KALRN: variants seen among roughly 807,000 people sequenced by gnomAD.
KALRN encodes kalirin.
KALRN carries 70 observed loss-of-function variants against 353.7 expected under a neutral mutation model. That is an observed-to-expected ratio of 0.20 (90% CI 0.16 to 0.24). The LOEUF is 0.24. KALRN is among the 10% of genes least tolerant of loss of function. The pLI, the probability that KALRN is intolerant of heterozygous loss-of-function variation, is 1.00. For synonymous variants in KALRN, 1,391 were observed against 1,434.8 expected (o/e 0.97, Z 0.69); for missense variants, 2,791 against 3,756.7 (o/e 0.74, Z 6.72).
Position 124,667,033 on chromosome 3 carries a change from G to A in KALRN, c.6553G>A (p.Glu2185Lys). 4 of 1,610,806 alleles carry A rather than the reference G, an allele frequency of 2.5e-6. No individual in the cohort carries two copies. The highest frequency in any genetic ancestry group is 3.4e-6 in the Non-Finnish European group (4 of 1,177,546). ...CCAGATGAATTACTTGGTCCTGGAG[G>A]AGAATGTGGACAATGATCCCTGCAA... ...SIKMNYLVLE[E>K]NVDNDPCKFA... Residue 2185 changes from glutamate to lysine, a missense_variant, in exon 47 of 60, where the codon GAG becomes AAG. Physicochemically the swap from Glu to Lys is moderately conservative, Grantham distance 56. Transcript: ENST00000682506.
chr3:124,460,280 G>A (rs2059717843), intron 23 of KALRN, among the ~76,000 whole-genome samples: 1 of 152,152 alleles, frequency 6.6e-6, no homozygotes, highest in South Asian at 2.1e-4. Flanking sequence ...ATCTGGGAGG[G>A]GGATGAGGGG....
In KALRN at chr3:124,722,925, C is replaced by G. The variant is rs1208920877; in HGVS notation, c.*3455C>G. On this transcript the variant is annotated 3_prime_UTR_variant, in exon 60 of 60. Coordinates refer to ENST00000682506, the MANE Select transcript of KALRN (RefSeq NM_001388419.1). ...TGGGATACAGAAAGAATGAAAAGAT[C>G]AGGGACAACCCATAATAACTTTTAA... 1 of 152,136 alleles carries G rather than the reference C, an allele frequency of 6.6e-6. No homozygotes were observed. The highest frequency in any genetic ancestry group is 2.4e-5 in the African/African-American group (1 of 41,428). 9.4% of individuals were successfully genotyped at this position (152,136 alleles called of 1,614,324 possible).
intron 37 of KALRN, among the ~76,000 whole-genome samples, chr3:124,642,806 G>GTTTTTTTGTTGTTGTTGTTTGTTT (rs1553707032): frequency 1.0e-5 from 1 of 96,840 alleles, no homozygotes; most frequent in Non-Finnish European, 1.9e-5. Flanking sequence ...CCCAAGCCTC[G>GTTTTTTTGTTGTTGTTGTTTGTTT]TTTTTTTTTT....
At chr3:124,532,182 G>A (rs2068098458) in intron 33 of KALRN, among the ~76,000 whole-genome samples, 1 of 152,208 alleles carries the variant, frequency 6.6e-6, no homozygotes, top group African/African-American at 2.4e-5. Context: ...CAGAGTCACT[G>A]ACCAATGTTG....
intron 36 of KALRN, among the ~76,000 whole-genome samples, chr3:124,635,192 G>A (rs2081225267): frequency 1.3e-5 from 2 of 152,152 alleles, no homozygotes; most frequent in Non-Finnish European, 2.9e-5. Flanking sequence ...ACCATCCTGG[G>A]TTCCTGAGAC....
At chr3:124,407,510 T>C (rs1469792114) in intron 13 of KALRN, among the ~76,000 whole-genome samples, 2 of 152,164 alleles carry the variant, frequency 1.3e-5, no homozygotes, top group African/African-American at 2.4e-5. Context: ...TGGGAACAGA[T>C]CATATTTCTA....
intron 33 of KALRN, among the ~76,000 whole-genome samples, chr3:124,528,431 T>A (rs2067770703): frequency 6.6e-6 from 1 of 152,114 alleles, no homozygotes; most frequent in African/African-American, 2.4e-5. Flanking sequence ...TGTGGGTAAA[T>A]GTAGCTTCCC....
intron 10 of KALRN, among the ~76,000 whole-genome samples, chr3:124,381,899 T>C (rs556022605): frequency 1.3e-5 from 2 of 152,228 alleles, no homozygotes; most frequent in South Asian, 4.1e-4. Context: ...GTGGGCTAAA[T>C]ATAGAGTACC....
At chr3:124,636,954 T>C in intron 36 of KALRN, 1 of 446,058 alleles carries the variant, frequency 2.2e-6, no homozygotes, top group Non-Finnish European at 4.1e-6. Context: ...ATTTCTCCTC[T>C]CCCCTCCTTC....
chr3:124,350,992 TTG>T (rs1029926999), intron 10 of KALRN, among the ~76,000 whole-genome samples: 44 of 152,290 alleles, frequency 2.9e-4, no homozygotes, highest in African/African-American at 1.0e-3. Flanking sequence ...CATCCTGGGA[TTG>T]TTAGTCCACA....
intron 1 of KALRN, among the ~76,000 whole-genome samples, chr3:124,217,121 C>A (rs1166330527): frequency 2.0e-5 from 3 of 152,140 alleles, no homozygotes; most frequent in Non-Finnish European, 4.4e-5. Context: ...TATTATATTT[C>A]TTGCATGATA....
Position 124,334,006 on chromosome 3 carries a change from A to G in KALRN, c.1417-259A>G, listed in dbSNP as rs567414298. Among the ~76,000 whole-genome samples the G allele has an allele frequency of 6.6e-6, 1 of 152,352 alleles. No individual in the cohort carries two copies. Among genetic ancestry groups the G allele is most frequent in the African/African-American group, 2.4e-5 (1 of 41,590 alleles). On this transcript the variant is annotated intron_variant, in intron 8 of 59. Transcript: ENST00000682506. This position sits in a 1 kb window ranked among gnomAD's most constrained non-coding sequence, Gnocchi z 4.2. The stretch of plus-strand genomic sequence containing the variant: ...GTATCTCTGCCCTCACAGTGCTGAA[A>G]TTCAGGAGGGGAGAGAGTCTCACAG...
At chr3:124,253,649 C>T (rs907182261) in intron 3 of KALRN, among the ~76,000 whole-genome samples, 2 of 152,216 alleles carry the variant, frequency 1.3e-5, no homozygotes, top group African/African-American at 4.8e-5. Context: ...AGTGACCAGG[C>T]TAGCTCTCTA....
At chr3:124,668,098 A>C (rs1578819431) in intron 47 of KALRN, among the ~76,000 whole-genome samples, 4 of 144,018 alleles carry the variant, frequency 2.8e-5, no homozygotes, top group East Asian at 2.1e-4. Context: ...ACACACAACC[A>C]CCTTTGGGTA....
chr3:124,398,957 C>G lies in KALRN; in HGVS notation c.2346+86C>G, dbSNP rs2090512385. ...ACTGCCCCAGGGGCAGGGCAGTAGC[C>G]TAAGGAAATTAGAGCATCCAGCATG... On this transcript the variant is annotated intron_variant, in intron 13 of 59. Coordinates refer to ENST00000682506, the MANE Select transcript of KALRN (RefSeq NM_001388419.1). The G allele has an allele frequency of 4.3e-6, 6 of 1,393,384 alleles. No homozygotes were observed. In the Admixed American group the frequency reaches 1.5e-4, roughly 34 times the overall value. The allele number at this position is 1,393,384 out of a possible 1,614,324, so 86.3% of individuals were successfully genotyped here.
intron 27 of KALRN, 75 bp from the exon 28 acceptor site, chr3:124,482,733 C>A: frequency 1.0e-6 from 1 of 956,412 alleles, no homozygotes. Context: ...CTGACCCCTG[C>A]CTTTCTCCTC....
intron 1 of KALRN, among the ~76,000 whole-genome samples, chr3:124,085,899 T>G (rs554180871): frequency 8.5e-5 from 13 of 152,320 alleles, no homozygotes; most frequent in Non-Finnish European, 1.9e-4. Context: ...ATTGATAGTG[T>G]GTATGTATAT....
intron 1 of KALRN, among the ~76,000 whole-genome samples, chr3:124,079,754 A>G (rs2149310723): frequency 6.6e-6 from 1 of 152,252 alleles, no homozygotes; most frequent in Non-Finnish European, 1.5e-5. Flanking sequence ...CTGACAGGCT[A>G]TTTTGTCTTT....
chr3:124,617,531 A>C (rs1276902668), intron 34 of KALRN, among the ~76,000 whole-genome samples: 1 of 152,264 alleles, frequency 6.6e-6, no homozygotes, highest in Non-Finnish European at 1.5e-5. Context: ...AGAAAAGCAG[A>C]AAAGCTAAAG....
Sources: allele counts gnomAD v4.1 joint callset (sites outside exome capture counted in the v4.1 genomes callset), GRCh38; gene constraint gnomAD v4.1.1; non-coding constraint Gnocchi (gnomAD v3.1); transcripts MANE v1.5; gene names NCBI Gene and HGNC (gene_info 2026-07-23, HGNC 2026-07-21).